The following TBC1D31 variants were observed in gnomAD, a reference collection of about 807,000 sequenced individuals.
TBC1D31 encodes TBC1 domain family member 31.
Under a neutral mutation model 132.9 loss-of-function variants are expected in TBC1D31, and 99 were observed. The observed-to-expected ratio is 0.74, with a 90% CI of 0.63 to 0.88. The LOEUF is 0.88. TBC1D31 is among the 40% of genes least tolerant of loss of function. TBC1D31 has a pLI of 0.00. For missense variants in TBC1D31, 1,134 were observed against 1,256.6 expected (o/e 0.90, Z 1.48); for synonymous variants, 385 against 419.4 (o/e 0.92, Z 1.00).
chr8:123,130,575 A>G (rs923340872), intron 16 of TBC1D31, among the ~76,000 whole-genome samples: 11 of 151,896 alleles, frequency 7.2e-5, no homozygotes, highest in African/African-American at 2.4e-4. Context: ...CTCTAAAACT[A>G]GAAATATCAG....
downstream of TBC1D31, among the ~76,000 whole-genome samples, chr8:123,154,277 A>C (rs1040864900): frequency 6.6e-6 from 1 of 152,228 alleles, no homozygotes; most frequent in South Asian, 2.1e-4. Context: ...TGTAAAGACT[A>C]AACTATGATG....
intron 4 of TBC1D31, among the ~76,000 whole-genome samples, chr8:123,086,914 C>T (rs1586572847): frequency 6.6e-6 from 1 of 152,226 alleles, no homozygotes; most frequent in Admixed American, 6.5e-5. Flanking sequence ...GACGGGGTTT[C>T]ACCATGTTAG....
In TBC1D31 at chr8:123,105,465, G is replaced by C. The variant is rs762013722; in HGVS notation, c.1209+1G>C. The C allele has an allele frequency of 6.2e-7, 1 of 1,605,986 alleles. No homozygotes were observed. Among genetic ancestry groups the C allele is most frequent in the Non-Finnish European group, 8.5e-7 (1 of 1,176,718 alleles). On this transcript the variant is annotated splice_donor_variant, in intron 8 of 21. Coordinates refer to ENST00000287380, the MANE Select transcript of TBC1D31 (RefSeq NM_145647.4). LOFTEE classifies it high-confidence loss of function. Reference sequence around the variant, plus strand: ...GACTGGTGATTTTGAAAGTAAAAAGGTAAGAATATTTGGTAATTAAACTTT... The same window carrying C: ...GACTGGTGATTTTGAAAGTAAAAAGCTAAGAATATTTGGTAATTAAACTTT...
At chr8:123,101,934 G>A (rs887621250) in intron 7 of TBC1D31, among the ~76,000 whole-genome samples, 3 of 151,970 alleles carry the variant, frequency 2.0e-5, no homozygotes, top group Admixed American at 1.3e-4. Flanking sequence ...TCCTTCCTTC[G>A]CCTGTTGAAT....
At chr8:123,111,106 C>G (rs927108308) in intron 10 of TBC1D31, among the ~76,000 whole-genome samples, 2 of 151,744 alleles carry the variant, frequency 1.3e-5, no homozygotes, top group African/African-American at 4.8e-5. Context: ...TTTTTTCCCC[C>G]CTTTGGTATT....
At chr8:123,099,950 T>A (rs1347367211) in intron 6 of TBC1D31, among the ~76,000 whole-genome samples, 1 of 152,100 alleles carries the variant, frequency 6.6e-6, no homozygotes, top group Admixed American at 6.5e-5. Flanking sequence ...GAACTCATCC[T>A]TTTATACCAA....
intron 11 of TBC1D31, among the ~76,000 whole-genome samples, chr8:123,124,926 G>A (rs1819885671): frequency 7.4e-6 from 1 of 134,778 alleles, no homozygotes; most frequent in East Asian, 2.1e-4. Flanking sequence ...CACAGAGTGA[G>A]ACTCCGTCTC....
chr8:123,163,111 C>T, the TBC1D31 span, among the ~76,000 whole-genome samples: 1 of 151,596 alleles, frequency 6.6e-6, no homozygotes, highest in Admixed American at 6.6e-5. Flanking sequence ...AGGTGTGAGC[C>T]ACTGCGCCCG....
chr8:123,089,267 C>T (rs745952234), intron 4 of TBC1D31, among the ~76,000 whole-genome samples: 1 of 152,064 alleles, frequency 6.6e-6, no homozygotes, highest in South Asian at 2.1e-4. Context: ...AATACTCAGC[C>T]GTAGCACCTC....
intron 7 of TBC1D31, among the ~76,000 whole-genome samples, chr8:123,105,028 A>C (rs1439230733): frequency 6.6e-6 from 1 of 152,200 alleles, no homozygotes; most frequent in East Asian, 1.9e-4. Flanking sequence ...ATTTAAGGCC[A>C]GCTTTCAAGG....
At chr8:123,144,643 G>C in intron 19 of TBC1D31, 74 bp from the exon 20 acceptor site, 1 of 1,366,502 alleles carries the variant, frequency 7.3e-7, no homozygotes, top group South Asian at 1.4e-5. Flanking sequence ...GAAGACAGAA[G>C]TGGCTCATTC....
chr8:123,117,480 C>T (rs1819033422), intron 10 of TBC1D31, among the ~76,000 whole-genome samples: 1 of 151,988 alleles, frequency 6.6e-6, no homozygotes, highest in Non-Finnish European at 1.5e-5. Context: ...GTACACCAGG[C>T]GTGGTGGCTC....
chr8:123,079,636 C>A (rs988933233), intron 2 of TBC1D31, among the ~76,000 whole-genome samples: 1 of 152,210 alleles, frequency 6.6e-6, no homozygotes, highest in Non-Finnish European at 1.5e-5. Flanking sequence ...CTTTGCACTT[C>A]ATTTGCTTGT....
intron 8 of TBC1D31, among the ~76,000 whole-genome samples, chr8:123,107,797 C>A (rs142276572): frequency 6.6e-6 from 1 of 152,278 alleles, no homozygotes; most frequent in African/African-American, 2.4e-5. Context: ...AAAAGTAGGT[C>A]AAAGTAGAAC....
intron 10 of TBC1D31, among the ~76,000 whole-genome samples, chr8:123,110,341 T>C (rs1818326824): frequency 6.6e-6 from 1 of 152,152 alleles, no homozygotes; most frequent in Non-Finnish European, 1.5e-5. Flanking sequence ...ATCCAGTAAA[T>C]GTTAATAATA....
chr8:123,137,423 A>G (rs1212616133), intron 17 of TBC1D31, among the ~76,000 whole-genome samples: 1 of 152,250 alleles, frequency 6.6e-6, no homozygotes, highest in African/African-American at 2.4e-5. Context: ...ATTTTATTAT[A>G]GTAGAGGAAT....
intron 8 of TBC1D31, among the ~76,000 whole-genome samples, chr8:123,108,058 C>T (rs1023242343): frequency 5.3e-5 from 8 of 152,200 alleles, no homozygotes; most frequent in African/African-American, 1.7e-4. Context: ...ATATGGCACT[C>T]AAGTATCTTC....
chr8:123,155,624 C>T (rs1195887150), downstream of TBC1D31, among the ~76,000 whole-genome samples: 1 of 152,184 alleles, frequency 6.6e-6, no homozygotes, highest in African/African-American at 2.4e-5. This position sits in a 1 kb window ranked among gnomAD's most constrained non-coding sequence, Gnocchi z 4.1. Context: ...ACCTGTCACC[C>T]AGTTTCCAGT....
intron 11 of TBC1D31, among the ~76,000 whole-genome samples, chr8:123,124,892 G>T (rs549795880): frequency 6.8e-6 from 1 of 147,774 alleles, no homozygotes; most frequent in East Asian, 2.0e-4. Context: ...AGCCGAGATC[G>T]CGCCACTGCA....
Sources: allele counts gnomAD v4.1 joint callset (sites outside exome capture counted in the v4.1 genomes callset), GRCh38; gene constraint gnomAD v4.1.1; non-coding constraint Gnocchi (gnomAD v3.1); transcripts MANE v1.5; gene names NCBI Gene and HGNC (gene_info 2026-07-23, HGNC 2026-07-21).